Variants in MAN1A2 observed in about 807,000 individuals in gnomAD.
MAN1A2 encodes the protein mannosyl-oligosaccharide 1,2-alpha-mannosidase IB.
A neutral mutation model predicts 75.7 loss-of-function variants in MAN1A2; 26 were observed. The ratio of observed to expected loss-of-function variants is 0.34; its 90% confidence interval spans 0.25 to 0.48. The LOEUF (loss-of-function observed/expected upper bound fraction) is 0.48. Ranked by LOEUF, MAN1A2 falls within the 20% of genes least tolerant of loss-of-function variation. The pLI is 0.99. For missense variants in MAN1A2, 562 were observed against 775.5 expected, an observed-to-expected ratio of 0.72 and a Z score of 3.27; for synonymous variants, 247 against 264.6, an observed-to-expected ratio of 0.93 and a Z score of 0.65.
At chr1:117,372,042 A>T (rs892871754) in intron 1 of MAN1A2, among the ~76,000 whole-genome samples, 3 of 152,206 alleles carry the variant, frequency 2.0e-5, no homozygotes, top group African/African-American at 7.2e-5. Context: ...TTTGTAGTTA[A>T]ATATTTTGGT....
chr1:117,473,814 A>C (rs941116932), intron 8 of MAN1A2, among the ~76,000 whole-genome samples: 1 of 152,064 alleles, frequency 6.6e-6, no homozygotes, highest in African/African-American at 2.4e-5. Context: ...GACATGTTTT[A>C]TAGATTTCTT....
chr1:117,484,600 A>G (rs1369861023), intron 8 of MAN1A2, among the ~76,000 whole-genome samples: 3 of 151,988 alleles, frequency 2.0e-5, no homozygotes, highest in Non-Finnish European at 2.9e-5. Context: ...GATGCTCTTA[A>G]CACTTGAGTT....
chr1:117,459,625 T>C (rs948083705), intron 6 of MAN1A2, among the ~76,000 whole-genome samples: 1 of 152,184 alleles, frequency 6.6e-6, no homozygotes, highest in Non-Finnish European at 1.5e-5. Context: ...CTACAATTTT[T>C]CATTTTATGT....
At chr1:117,410,776 A>G (rs529106481) in intron 3 of MAN1A2, among the ~76,000 whole-genome samples, 97 of 151,968 alleles carry the variant, frequency 6.4e-4, no homozygotes, top group Admixed American at 1.2e-3. Context: ...ATACAAGTTT[A>G]ATATGCAAAA....
At chr1:117,403,640 T>C (rs1315378858) in intron 2 of MAN1A2, among the ~76,000 whole-genome samples, 1 of 152,252 alleles carries the variant, frequency 6.6e-6, no homozygotes, top group East Asian at 1.9e-4. Flanking sequence ...GTTATTTTAC[T>C]GAAGTTATTT....
chr1:117,452,462 C>T (rs1297698889), intron 6 of MAN1A2, among the ~76,000 whole-genome samples: 1 of 152,208 alleles, frequency 6.6e-6, no homozygotes, highest in Non-Finnish European at 1.5e-5. Flanking sequence ...AGGAAATTAA[C>T]AGTGCTATGC....
chr1:117,470,324 G>A (rs1395711095), intron 8 of MAN1A2, among the ~76,000 whole-genome samples: 1 of 152,044 alleles, frequency 6.6e-6, no homozygotes, highest in African/African-American at 2.4e-5. Context: ...AGAAGAAAGT[G>A]GAGAAGAAAA....
chr1:117,525,385 A>C lies in MAN1A2; in HGVS notation c.*2428A>C. 1 of 239,274 alleles carries C rather than the reference A, an allele frequency of 4.2e-6. No homozygotes were observed. The highest frequency in any genetic ancestry group is 8.6e-6 in the Non-Finnish European group (1 of 116,270). 14.8% of individuals were successfully genotyped at this position (239,274 alleles called of 1,614,324 possible). On this transcript the variant is annotated 3_prime_UTR_variant, in exon 13 of 13. Transcript: ENST00000356554. ...GTGTCATGTTTTATTTTTGTTATAG[A>C]TTTTTAAATTATTTCCTTCAAGATC...
At chr1:117,430,927 ACT>A (rs1422869903) in intron 5 of MAN1A2, among the ~76,000 whole-genome samples, 1 of 127,898 alleles carries the variant, frequency 7.8e-6, no homozygotes, top group East Asian at 2.4e-4. Context: ...ACCATTGAGC[ACT>A]GAGTGAACGA....
At chr1:117,379,353 G>A (rs1653255550) in intron 1 of MAN1A2, among the ~76,000 whole-genome samples, 6 of 152,016 alleles carry the variant, frequency 3.9e-5, no homozygotes, top group South Asian at 2.1e-4. Context: ...ATAACGTGCC[G>A]TTTTGTTAAG....
chr1:117,415,146 A>C (rs796541457), intron 4 of MAN1A2, among the ~76,000 whole-genome samples: 10 of 152,190 alleles, frequency 6.6e-5, no homozygotes, highest in African/African-American at 2.2e-4. Context: ...GGTTTGGCAT[A>C]GTTGTTAAGT....
intron 1 of MAN1A2, among the ~76,000 whole-genome samples, chr1:117,388,905 C>A (rs1653629240): frequency 6.6e-6 from 1 of 152,120 alleles, no homozygotes. Flanking sequence ...TCACAGATAA[C>A]CCATAATGAC....
intron 1 of MAN1A2, among the ~76,000 whole-genome samples, chr1:117,375,300 A>G (rs1466248761): frequency 6.6e-6 from 1 of 152,198 alleles, no homozygotes; most frequent in Non-Finnish European, 1.5e-5. Context: ...ATTTTTTAAC[A>G]AAACACACCT....
intron 1 of MAN1A2, among the ~76,000 whole-genome samples, chr1:117,369,598 G>A (rs902626189): frequency 1.3e-5 from 2 of 152,154 alleles, no homozygotes; most frequent in Non-Finnish European, 1.5e-5. Context: ...CATTACTTGT[G>A]TGATGGTTCT....
At chr1:117,498,276 A>G (rs1469084261) in intron 10 of MAN1A2, among the ~76,000 whole-genome samples, 4 of 151,878 alleles carry the variant, frequency 2.6e-5, no homozygotes, top group African/African-American at 9.7e-5. Context: ...TGGATATTCA[A>G]TTTTATATTA....
chr1:117,445,835 C>T (rs1252083289), intron 6 of MAN1A2, among the ~76,000 whole-genome samples: 4 of 113,942 alleles, frequency 3.5e-5, no homozygotes, highest in Admixed American at 9.2e-5. Flanking sequence ...CCCAAATTTT[C>T]ATATTTGTGT....
chr1:117,490,929 C>T (rs552089201), intron 8 of MAN1A2, among the ~76,000 whole-genome samples: 1 of 151,150 alleles, frequency 6.6e-6, no homozygotes, highest in African/African-American at 2.4e-5. Context: ...GAGCAAGGCT[C>T]TAGCTCTCTT....
At chr1:117,425,646 C>T (rs537125560) in intron 5 of MAN1A2, among the ~76,000 whole-genome samples, 51 of 152,142 alleles carry the variant, frequency 3.4e-4, no homozygotes, top group Admixed American at 2.6e-4. Flanking sequence ...CAACATGTAA[C>T]GTCTATTCAT....
intron 8 of MAN1A2, among the ~76,000 whole-genome samples, chr1:117,475,204 A>G (rs1037820527): frequency 2.0e-5 from 3 of 151,964 alleles, no homozygotes; most frequent in African/African-American, 7.2e-5. Context: ...CTTTTATCAA[A>G]TAGTAGATGT....
Sources: gnomAD v4.1 joint callset for allele counts (sites outside exome capture counted in the v4.1 genomes callset) on GRCh38, gnomAD v4.1.1 for gene constraint, MANE v1.5 for transcripts, NCBI Gene and HGNC (gene_info 2026-07-23, HGNC 2026-07-21) for gene names.